NRXN3: variants seen among roughly 807,000 people sequenced by gnomAD.
NRXN3 encodes neurexin 3, also known as neurexin III.
Under a neutral mutation model 137.6 loss-of-function variants are expected in NRXN3, and 32 were observed. The observed-to-expected ratio is 0.23, with a 90% confidence interval of 0.18 to 0.31. The LOEUF (loss-of-function observed/expected upper bound fraction) is 0.31. NRXN3 is among the 10% of genes least tolerant of loss of function. The pLI, the probability that NRXN3 is intolerant of heterozygous loss-of-function variation, is 1.00. For missense variants in NRXN3, 1,574 were observed against 2,062.5 expected, an observed-to-expected ratio of 0.76 and a Z score of 4.59; for synonymous variants, 798 against 784.5, an observed-to-expected ratio of 1.02 and a Z score of -0.29.
chr14:78,312,112 T>C (rs2078047489), intron 4 of NRXN3, among the ~76,000 whole-genome samples: 2 of 152,308 alleles, frequency 1.3e-5, no homozygotes, highest in South Asian at 4.1e-4. Context: ...TTGTTATAGA[T>C]CATTCATAGG....
chr14:78,179,817 TTTTTTTG>T (rs2059623922), intron 1 of NRXN3, among the ~76,000 whole-genome samples: 1 of 52,108 alleles, frequency 1.9e-5, no homozygotes, highest in Admixed American at 2.0e-4. Flanking sequence ...TTTGTTTTTT[TTTTTTTG>T]TTTGTTTCTG....
chr14:78,977,477 A>G (rs570662579), intron 14 of NRXN3, among the ~76,000 whole-genome samples: 1 of 152,290 alleles, frequency 6.6e-6, no homozygotes, highest in East Asian at 1.9e-4. Context: ...GGAAAAGCAG[A>G]CAGACTCCTC....
intron 15 of NRXN3, among the ~76,000 whole-genome samples, chr14:79,089,825 C>A (rs1450546706): frequency 6.6e-6 from 1 of 152,042 alleles, no homozygotes; most frequent in Admixed American, 6.6e-5. Context: ...CAGAAAATTC[C>A]ATGGAGAAAT....
intron 10 of NRXN3, among the ~76,000 whole-genome samples, chr14:78,895,899 C>T (rs2099172688): frequency 6.6e-6 from 1 of 151,806 alleles, no homozygotes; most frequent in Non-Finnish European, 1.5e-5. Context: ...AGTTGGCCAT[C>T]TTATATGGAC....
chr14:79,357,635 G>A (rs939470842), intron 15 of NRXN3, among the ~76,000 whole-genome samples: 1 of 152,124 alleles, frequency 6.6e-6, no homozygotes, highest in Non-Finnish European at 1.5e-5. Context: ...GCCATTAGAT[G>A]AGGTCCAATT....
chr14:78,783,700 C>T (rs1246465001), intron 8 of NRXN3, among the ~76,000 whole-genome samples: 1 of 151,970 alleles, frequency 6.6e-6, no homozygotes, highest in Non-Finnish European at 1.5e-5. Context: ...AAAAAATGAG[C>T]AGAAAATACA....
chr14:78,425,561 C>T (rs2093629956), intron 4 of NRXN3, among the ~76,000 whole-genome samples: 1 of 152,058 alleles, frequency 6.6e-6, no homozygotes, highest in Admixed American at 6.6e-5. Context: ...AGGGGCCCCT[C>T]CCACCCCTTG....
At chr14:79,167,095 A>G (rs2061350528) in intron 15 of NRXN3, among the ~76,000 whole-genome samples, 1 of 152,030 alleles carries the variant, frequency 6.6e-6, no homozygotes, top group African/African-American at 2.4e-5. Context: ...GACAATTTGA[A>G]AATTAACCTA....
At chr14:78,267,265 G>C (rs111524210) in intron 2 of NRXN3, among the ~76,000 whole-genome samples, 1,539 of 152,238 alleles carry the variant, frequency 0.01, 24 homozygotes, top group African/African-American at 0.031. Context: ...TGAAGTTTAA[G>C]GGACTTATCT....
chr14:79,543,704 G>A (rs998171494), intron 16 of NRXN3, among the ~76,000 whole-genome samples: 1 of 152,200 alleles, frequency 6.6e-6, no homozygotes, highest in Non-Finnish European at 1.5e-5. Context: ...TTTCTACAGG[G>A]ACCAGACAGG....
At chr14:79,051,089 C>G (rs914436613) in intron 15 of NRXN3, among the ~76,000 whole-genome samples, 1 of 152,006 alleles carries the variant, frequency 6.6e-6, no homozygotes, top group Non-Finnish European at 1.5e-5. Flanking sequence ...AAAACCCTGC[C>G]CCACATAATG....
intron 1 of NRXN3, among the ~76,000 whole-genome samples, chr14:78,201,816 T>A (rs1040514666): frequency 6.6e-6 from 1 of 152,154 alleles, no homozygotes. Flanking sequence ...GGTGATGCTG[T>A]CAGCCGCTCC....
chr14:78,259,131 CAA>C (rs138126967), intron 2 of NRXN3, among the ~76,000 whole-genome samples: 26 of 93,058 alleles, frequency 2.8e-4, no homozygotes, highest in Admixed American at 5.5e-4. Context: ...GACTCCATCT[CAA>C]AAAAAAAAAA....
chr14:78,199,085 T>C (rs1019620845), intron 1 of NRXN3, among the ~76,000 whole-genome samples: 5 of 152,182 alleles, frequency 3.3e-5, no homozygotes, highest in African/African-American at 4.8e-5. Context: ...CAGAGCTGCA[T>C]TGTGGCTTAA....
Position 78,905,891 on chromosome 14 carries a change from C to T in NRXN3, c.2276-51351C>T, listed in dbSNP as rs186529545. 1.5e-3 allele frequency among the ~76,000 whole-genome samples: 226 copies of T among 151,928 alleles called. 2 individuals carry two copies. The highest frequency in any genetic ancestry group is 5.2e-3 in the Admixed American group (79 of 15,216). On this transcript the variant is annotated intron_variant, in intron 10 of 20. Transcript: ENST00000335750. ...ATCAGTATTAGGGGATTACCAAAAT[C>T]GTTACTTAAACCAAGATAAACAAAA...
At chr14:79,214,000 A>T (rs2068099219) in intron 15 of NRXN3, among the ~76,000 whole-genome samples, 1 of 152,254 alleles carries the variant, frequency 6.6e-6, no homozygotes, top group South Asian at 2.1e-4. Flanking sequence ...AAATGCTGAA[A>T]TGAAAACACT....
intron 11 of NRXN3, among the ~76,000 whole-genome samples, chr14:78,959,178 G>T (rs1490418241): frequency 6.6e-6 from 1 of 152,164 alleles, no homozygotes; most frequent in African/African-American, 2.4e-5. Flanking sequence ...AGGATAGCCT[G>T]TGGATTAAGG....
At chr14:78,941,936 A>C (rs1024871911) in intron 10 of NRXN3, among the ~76,000 whole-genome samples, 1 of 152,182 alleles carries the variant, frequency 6.6e-6, no homozygotes, top group African/African-American at 2.4e-5. Context: ...AGGGGTGTAG[A>C]GAGGAGGCAC....
At chr14:78,310,660 A>T (rs534852300) in intron 4 of NRXN3, among the ~76,000 whole-genome samples, 2 of 152,208 alleles carry the variant, frequency 1.3e-5, no homozygotes, top group East Asian at 3.9e-4. Context: ...GGTGTGAATA[A>T]TTCTAACCTA....
Sources: allele counts gnomAD v4.1 joint callset (sites outside exome capture counted in the v4.1 genomes callset), GRCh38; gene constraint gnomAD v4.1.1; transcripts MANE v1.5; gene names NCBI Gene and HGNC (gene_info 2026-07-23, HGNC 2026-07-21).